RBM34: variants seen among roughly 807,000 people sequenced by gnomAD.
RBM34 encodes RNA-binding protein 34.
Under a neutral mutation model 44.6 loss-of-function variants are expected in RBM34, and 39 were observed. The ratio of observed to expected loss-of-function variants is 0.87; its 90% CI spans 0.68 to 1.14. The LOEUF (loss-of-function observed/expected upper bound fraction) is 1.14, where lower values mean the gene tolerates loss of function less well. Ranked by LOEUF, RBM34 falls within the 50% of genes most tolerant of loss-of-function variation. RBM34 has a pLI of 0.00. For synonymous variants in RBM34, 194 were observed against 184.0 expected (o/e 1.05, Z -0.44); for missense variants, 572 against 517.9 (o/e 1.10, Z -1.01).
intron 8 of RBM34, among the ~76,000 whole-genome samples, chr1:235,136,717 T>A (rs1401785709): frequency 6.6e-6 from 1 of 152,252 alleles, no homozygotes; most frequent in Non-Finnish European, 1.5e-5. Flanking sequence ...AATCTGGTCA[T>A]GTCACTCTTA....
At chr1:235,160,446 C>T (rs921367817) in intron 3 of RBM34, 65 bp downstream of exon 3, 8 of 1,513,626 alleles carry the variant, frequency 5.3e-6, no homozygotes, top group Non-Finnish European at 1.8e-6. Context: ...GACGAATATT[C>T]CAAGTATAGG....
rs1468225735 is a variant in RBM34, at chr1:235,151,588, G to T, written c.657+1118C>A. 5.9e-5 allele frequency among the ~76,000 whole-genome samples: 9 copies of T among 152,230 alleles called. No individual in the cohort carries two copies. The East Asian group carries it at 1.3e-3, about 23-fold the overall frequency. ...AACTGAGGTGCAGGAGGTGCTACCA[G>T]CATCTAGTGGGTAAAGACCATGGAT... is the stretch of plus-strand genomic sequence containing the variant. On this transcript the variant is annotated intron_variant, in intron 5 of 10. Coordinates refer to ENST00000408888, the MANE Select transcript of RBM34 (RefSeq NM_015014.4).
Position 235,161,197 on chromosome 1 carries a change from C to T in RBM34, c.30G>A (p.Lys10=), listed in dbSNP as rs531978682. MALEGMSKR[K]RKRSVQEGEN... is the part of the protein sequence containing the mutation. ...ACCCCTCCTGGACACTTCTCTTTCT[C>T]TTCCGTTTGCTCATCCCTTCCAAGG... Residue 10 remains lysine (K), a synonymous_variant, in exon 1 of 11, where the codon AAG becomes AAA. Coordinates refer to ENST00000408888, the MANE Select transcript of RBM34 (RefSeq NM_015014.4). 1.2e-6 allele frequency: 2 copies of T among 1,610,140 alleles called. No homozygotes were observed. Among genetic ancestry groups the T allele is most frequent in the Admixed American group, 1.7e-5 (1 of 59,426 alleles).
At chr1:235,154,039 A>G (rs916734842) in intron 4 of RBM34, among the ~76,000 whole-genome samples, 3 of 152,034 alleles carry the variant, frequency 2.0e-5, no homozygotes, top group African/African-American at 2.4e-5. Context: ...AAGGTCAGGA[A>G]ATCGAGACCA....
chr1:235,146,359 T>C (rs946325854), intron 6 of RBM34, among the ~76,000 whole-genome samples: 1 of 152,116 alleles, frequency 6.6e-6, no homozygotes, highest in Non-Finnish European at 1.5e-5. Context: ...AAAAAGGGCA[T>C]TTTTAAAAAA....
At chr1:235,158,456 G>C (rs1662545872) in intron 3 of RBM34, among the ~76,000 whole-genome samples, 1 of 150,712 alleles carries the variant, frequency 6.6e-6, no homozygotes, top group Admixed American at 6.6e-5. Flanking sequence ...AGGGATAAGG[G>C]AAAGAGGCGA....
In RBM34 at chr1:235,150,651, G is replaced by A. The variant is rs958046252; in HGVS notation, c.657+2055C>T. 2.6e-5 allele frequency among the ~76,000 whole-genome samples: 4 copies of A among 152,288 alleles called. 1 individual carries two copies. In the East Asian group the frequency reaches 7.7e-4, roughly 29 times the overall value. ...CAGGGCCACACTGGAGAACTGCCAA[G>A]CTAAGAATTAAGGATGTATTTCACT... is the stretch of plus-strand genomic sequence containing the variant. On this transcript the variant is annotated intron_variant, in intron 5 of 10. Coordinates refer to ENST00000408888, the MANE Select transcript of RBM34 (RefSeq NM_015014.4).
intron 6 of RBM34, among the ~76,000 whole-genome samples, chr1:235,145,421 C>G (rs1001687793): frequency 6.6e-6 from 1 of 151,778 alleles, no homozygotes; most frequent in Non-Finnish European, 1.5e-5. Flanking sequence ...GGACTACAGG[C>G]GTGCACCACC....
chr1:235,157,180 G>A (rs975008609), intron 3 of RBM34, among the ~76,000 whole-genome samples: 1 of 152,198 alleles, frequency 6.6e-6, no homozygotes, highest in African/African-American at 2.4e-5. Context: ...CATCTGGGCA[G>A]AAGAGTGGAA....
intron 3 of RBM34, among the ~76,000 whole-genome samples, chr1:235,155,844 TATATATATATATATATATATATAC>T (rs1662403264): frequency 3.2e-4 from 9 of 28,316 alleles, no homozygotes; most frequent in African/African-American, 1.0e-3. Context: ...TATATATATA[TATATATATATATATATATATATAC>T]ATATATACTT....
rs146031528 is a variant in RBM34 at position 235,161,127 on chromosome 1, G to C, written c.53+47C>G. 30 of 1,604,200 alleles carry C rather than the reference G, an allele frequency of 1.9e-5. No homozygotes were observed. The African/African-American group carries it at 3.5e-4, about 19-fold the overall frequency. ...GCACCACCGCTTCGCCAGCACGAGG[G>C]AACGTACAACATCCCTCCCCAGGTA... On this transcript the variant is annotated intron_variant, in intron 1 of 10. Transcript: ENST00000408888.
At chr1:235,153,026 T>C (rs902935128) in intron 4 of RBM34, among the ~76,000 whole-genome samples, 47 of 152,054 alleles carry the variant, frequency 3.1e-4, no homozygotes, top group Non-Finnish European at 4.9e-4. Flanking sequence ...CCCGCCACCA[T>C]GCTCAGCTAA....
rs1480987572 is a variant in RBM34 at position 235,152,908 on chromosome 1, G to A, written c.598-143C>T. 18 of 677,904 alleles carry A rather than the reference G, an allele frequency of 2.7e-5. 1 individual carries two copies. In the East Asian group the frequency reaches 2.9e-4, roughly 11 times the overall value. The allele number at this position is 677,904 out of a possible 1,614,324, so 42.0% of individuals were successfully genotyped here. A position where few individuals can be genotyped will look rare whatever the true frequency, so the allele number is the denominator to read the frequency against. ...TTTTGAGACAGAGTCTTGCACTTTC[G>A]CCCAGGCTGGAGTGCAGTGGTGTGA... On this transcript the variant is annotated intron_variant, in intron 4 of 10. Coordinates refer to ENST00000408888, the MANE Select transcript of RBM34 (RefSeq NM_015014.4).
At chr1:235,160,870 G>A (rs917270377) in intron 2 of RBM34, 23 bp downstream of exon 2, 3 of 1,610,888 alleles carry the variant, frequency 1.9e-6, no homozygotes, top group Non-Finnish European at 1.7e-6. Context: ...CGAGCTATTC[G>A]GGAAGAAAGC....
intron 2 of RBM34, 48 bp downstream of exon 2, chr1:235,160,845 T>A: frequency 6.2e-7 from 1 of 1,601,472 alleles, no homozygotes; most frequent in Non-Finnish European, 8.5e-7. Flanking sequence ...TTGCTTTGTA[T>A]GTAAGTGGTT....
At chr1:235,160,450 G>A (rs1260589907) in intron 3 of RBM34, 61 bp downstream of exon 3, 1 of 1,507,916 alleles carries the variant, frequency 6.6e-7, no homozygotes, top group Non-Finnish European at 9.2e-7. Flanking sequence ...AATATTCCAA[G>A]TATAGGAATG....
intron 5 of RBM34, chr1:235,152,407 A>C (rs1662205215): frequency 1.1e-6 from 1 of 893,384 alleles, no homozygotes; most frequent in Non-Finnish European, 1.4e-6. Flanking sequence ...AATGATAATC[A>C]GTATTAACTT....
intron 3 of RBM34, among the ~76,000 whole-genome samples, chr1:235,156,072 G>A (rs1001996206): frequency 6.7e-6 from 1 of 149,970 alleles, no homozygotes; most frequent in South Asian, 2.1e-4. Flanking sequence ...GTTTCACTGT[G>A]TTGGCCAGGC....
At chr1:235,132,059 A>G (rs1245047386) in intron 10 of RBM34, 62 bp from the exon 11 acceptor site, 1 of 1,440,194 alleles carries the variant, frequency 6.9e-7, no homozygotes, top group Non-Finnish European at 9.4e-7. Context: ...GAAACTAGTG[A>G]AAGTGTCACT....
Sources: allele counts gnomAD v4.1 joint callset (sites outside exome capture counted in the v4.1 genomes callset), GRCh38; gene constraint gnomAD v4.1.1; transcripts MANE v1.5; gene names NCBI Gene and HGNC (gene_info 2026-07-23, HGNC 2026-07-21).